Variants in GLIS3 observed in about 807,000 individuals in gnomAD.
The protein encoded by GLIS3 is GLIS family zinc finger 3, also known as zinc finger protein GLIS3.
Under a neutral mutation model 78.6 loss-of-function variants are expected in GLIS3, and 53 were observed. The observed-to-expected ratio is 0.67, with a 90% CI of 0.54 to 0.85. The LOEUF (loss-of-function observed/expected upper bound fraction) is 0.85. Among genes scored for constraint, GLIS3 ranks in the 40% least tolerant of loss-of-function variants. The pLI is 0.00. For synonymous variants in GLIS3, 684 were observed against 509.9 expected, an observed-to-expected ratio of 1.34 and a Z score of -4.60; for missense variants, 1,703 against 1,231.1, an observed-to-expected ratio of 1.38 and a Z score of -5.74.
the GLIS3 span, among the ~76,000 whole-genome samples, chr9:4,416,812 G>GT: frequency 0.24 from 23,056 of 95,648 alleles, 3,906 homozygotes; most frequent in African/African-American, 0.37. Context: ...CCCATAGTCA[G>GT]TTTTTTTTTT....
chr9:4,041,311 G>A (rs536995016), intron 4 of GLIS3, among the ~76,000 whole-genome samples: 3 of 152,326 alleles, frequency 2.0e-5, no homozygotes, highest in South Asian at 2.1e-4. Context: ...AAGGGAAACT[G>A]CCAAACATCC....
At chr9:4,338,982 T>TA (rs1430515805) in intron 2 of GLIS3, among the ~76,000 whole-genome samples, 1 of 152,208 alleles carries the variant, frequency 6.6e-6, no homozygotes, top group African/African-American at 2.4e-5. Context: ...CTTTATGTGT[T>TA]ACAGGCTTAC....
At chr9:4,096,252 A>C (rs1356820433) in intron 4 of GLIS3, among the ~76,000 whole-genome samples, 1 of 152,222 alleles carries the variant, frequency 6.6e-6, no homozygotes, top group African/African-American at 2.4e-5. Context: ...GCGGTTAATT[A>C]ACTCTGTTTA....
chr9:3,927,402 T>C (rs997844875), intron 6 of GLIS3, among the ~76,000 whole-genome samples: 2 of 152,240 alleles, frequency 1.3e-5, no homozygotes, highest in African/African-American at 4.8e-5. Flanking sequence ...CTCTGAGAAC[T>C]ATTGCAAGAA....
chr9:4,197,037 G>A (rs896545546), intron 2 of GLIS3, among the ~76,000 whole-genome samples: 1 of 152,128 alleles, frequency 6.6e-6, no homozygotes, highest in Non-Finnish European at 1.5e-5. Flanking sequence ...GGTGCAGTGG[G>A]GCTCTGCTCC....
chr9:4,433,445 T>C, the GLIS3 span, among the ~76,000 whole-genome samples: 2 of 152,000 alleles, frequency 1.3e-5, no homozygotes, highest in Non-Finnish European at 2.9e-5. Flanking sequence ...AAATAAAATA[T>C]AAATAAATAA....
chr9:4,458,375 A>C, the GLIS3 span, among the ~76,000 whole-genome samples: 1 of 152,216 alleles, frequency 6.6e-6, no homozygotes, highest in Non-Finnish European at 1.5e-5. Flanking sequence ...TAATGAACAA[A>C]TGTACAAATA....
the GLIS3 span, among the ~76,000 whole-genome samples, chr9:4,458,867 C>T: frequency 6.6e-6 from 1 of 152,076 alleles, no homozygotes; most frequent in Non-Finnish European, 1.5e-5. Flanking sequence ...TACAAAGACT[C>T]TAAAGTGGGA....
chr9:3,979,742 C>G (rs1334256733), intron 4 of GLIS3, among the ~76,000 whole-genome samples: 2 of 152,182 alleles, frequency 1.3e-5, no homozygotes, highest in East Asian at 1.9e-4. Context: ...AGGCATCAAT[C>G]TTGGTCTCTA....
chr9:4,378,848 G>C, the GLIS3 span, among the ~76,000 whole-genome samples: 2 of 152,146 alleles, frequency 1.3e-5, no homozygotes, highest in Non-Finnish European at 2.9e-5. Context: ...CTCCAAGTTA[G>C]GGAATCTGGG....
intron 2 of GLIS3, among the ~76,000 whole-genome samples, chr9:4,188,700 C>G (rs1818035385): frequency 6.6e-6 from 1 of 152,158 alleles, no homozygotes; most frequent in African/African-American, 2.4e-5. Flanking sequence ...TTCAGAGATT[C>G]AACTTCTTCC....
chr9:4,182,113 A>G (rs909976861), intron 2 of GLIS3, among the ~76,000 whole-genome samples: 6 of 152,246 alleles, frequency 3.9e-5, no homozygotes, highest in African/African-American at 1.4e-4. Context: ...ACAAGCAAAG[A>G]ATAAAATGGT....
intron 4 of GLIS3, among the ~76,000 whole-genome samples, chr9:4,008,828 C>G (rs759196727): frequency 6.6e-6 from 1 of 152,132 alleles, no homozygotes; most frequent in African/African-American, 2.4e-5. Context: ...CCAACATCCA[C>G]CTTTTATAGG....
At chr9:4,002,831 C>T (rs1163853192) in intron 4 of GLIS3, among the ~76,000 whole-genome samples, 1 of 152,118 alleles carries the variant, frequency 6.6e-6, no homozygotes, top group Non-Finnish European at 1.5e-5. Flanking sequence ...CCGATGTTAC[C>T]ATTTCTCTGT....
chr9:4,201,607 C>A (rs540460161), intron 2 of GLIS3, among the ~76,000 whole-genome samples: 1 of 152,062 alleles, frequency 6.6e-6, no homozygotes, highest in East Asian at 1.9e-4. Flanking sequence ...GAATACAATA[C>A]CCAGGAATAG....
chr9:4,373,553 T>C, the GLIS3 span, among the ~76,000 whole-genome samples: 1 of 152,192 alleles, frequency 6.6e-6, no homozygotes, highest in African/African-American at 2.4e-5. Flanking sequence ...ATTTGAAATA[T>C]TTAAATACGA....
chr9:4,268,473 T>C (rs982926386), intron 2 of GLIS3, among the ~76,000 whole-genome samples: 1 of 152,206 alleles, frequency 6.6e-6, no homozygotes, highest in Non-Finnish European at 1.5e-5. Context: ...TCTGAACACT[T>C]TTCAAATATA....
At chr9:4,375,367 A>G in the GLIS3 span, among the ~76,000 whole-genome samples, 1 of 152,228 alleles carries the variant, frequency 6.6e-6, no homozygotes, top group Non-Finnish European at 1.5e-5. Context: ...GAAAAGGGAT[A>G]TATCAAATTA....
At chr9:4,442,646 A>AAT in the GLIS3 span, among the ~76,000 whole-genome samples, 2,240 of 151,856 alleles carry the variant, frequency 0.015, 28 homozygotes, top group Non-Finnish European at 0.022. Flanking sequence ...AAATACCTTA[A>AAT]ATATATATAT....
Sources: gnomAD v4.1 joint callset for allele counts (sites outside exome capture counted in the v4.1 genomes callset) on GRCh38, gnomAD v4.1.1 for gene constraint, MANE v1.5 for transcripts, NCBI Gene and HGNC (gene_info 2026-07-23, HGNC 2026-07-21) for gene names.